GALNT14: variants seen among roughly 807,000 people sequenced by gnomAD.
GALNT14 encodes UDP-GalNAc:polypeptide N-acetylgalactosaminyltransferase 14.
In GALNT14, 60 loss-of-function variants were observed where a neutral mutation model predicts 77.5. The ratio of observed to expected loss-of-function variants is 0.77; its 90% CI spans 0.63 to 0.96. The LOEUF is 0.96. Among genes scored for constraint, GALNT14 ranks in the 40% least tolerant of loss-of-function variants. The probability of loss-of-function intolerance (pLI) is 0.00; values close to 1 mark genes in which losing one functional copy is unlikely to be tolerated. For synonymous variants in GALNT14, 280 were observed against 281.7 expected, an observed-to-expected ratio of 0.99 and a Z score of 0.06; for missense variants, 710 against 731.0, an observed-to-expected ratio of 0.97 and a Z score of 0.33.
chr2:30,887,266 ACT>A, the GALNT14 span, among the ~76,000 whole-genome samples: 2 of 151,990 alleles, frequency 1.3e-5, no homozygotes, highest in African/African-American at 2.4e-5. Flanking sequence ...TCAAATGGTA[ACT>A]CTATGTTTAA....
At chr2:30,921,078 C>T (rs1460439667) in intron 13 of GALNT14, among the ~76,000 whole-genome samples, 2 of 152,168 alleles carry the variant, frequency 1.3e-5, no homozygotes, top group Non-Finnish European at 1.5e-5. Context: ...CCCTTTTTCA[C>T]ATGACAGGAA....
intron 2 of GALNT14, among the ~76,000 whole-genome samples, chr2:30,977,781 G>T (rs921249321): frequency 6.6e-6 from 1 of 152,030 alleles, no homozygotes; most frequent in African/African-American, 2.4e-5. Context: ...AAAAGCAAAG[G>T]CTTCCCATAC....
At position 30,958,450 on chromosome 2, in the gene GALNT14, G is replaced by A. The variant is rs140948320; in HGVS notation, c.413C>T (p.Thr138Ile). ...GATTTCCCGGATCAGATGCGTAGGG[G>A]TGCGGTTTAATACACTGCAAGATGG... ...LRTIRSVLNR[T>I]PTHLIREIIL... Residue 138 changes from threonine (T) to isoleucine (I), a missense_variant, in exon 4 of 15, where the codon ACC becomes ATC. Coordinates refer to ENST00000349752, the MANE Select transcript of GALNT14 (RefSeq NM_024572.4). 6.2e-7 allele frequency: 1 copy of A among 1,614,068 alleles called. No homozygotes were observed. The highest frequency in any genetic ancestry group is 8.5e-7 in the Non-Finnish European group (1 of 1,179,952).
chr2:30,889,710 A>AAAT, the GALNT14 span, among the ~76,000 whole-genome samples: 1 of 152,218 alleles, frequency 6.6e-6, no homozygotes, highest in Non-Finnish European at 1.5e-5. Context: ...TGCACAGAAC[A>AAAT]AATAATCTCC....
chr2:31,113,723 C>T (rs955593565), intron 1 of GALNT14, among the ~76,000 whole-genome samples: 1 of 151,916 alleles, frequency 6.6e-6, no homozygotes, highest in Admixed American at 6.6e-5. Flanking sequence ...CCCTTTCTAG[C>T]CTCATGCATT....
chr2:30,905,569 C>A (rs565687426), downstream of GALNT14, among the ~76,000 whole-genome samples: 7 of 152,034 alleles, frequency 4.6e-5, no homozygotes, highest in East Asian at 1.2e-3. Context: ...TGTGAAAAGA[C>A]CAAATCTATG....
intron 11 of GALNT14, among the ~76,000 whole-genome samples, chr2:30,927,718 G>A (rs960672007): frequency 4.6e-5 from 7 of 152,168 alleles, no homozygotes; most frequent in South Asian, 2.1e-4. Flanking sequence ...TGCTGCCAGC[G>A]AAAGAGGGGG....
chr2:31,052,224 C>CTAAG (rs1558528007), intron 1 of GALNT14, among the ~76,000 whole-genome samples: 1 of 152,176 alleles, frequency 6.6e-6, no homozygotes, highest in Non-Finnish European at 1.5e-5. Context: ...GTCCAGAGAT[C>CTAAG]TAAGCTGCAG....
chr2:31,084,255 A>T (rs1406772451), intron 1 of GALNT14, among the ~76,000 whole-genome samples: 1 of 152,214 alleles, frequency 6.6e-6, no homozygotes, highest in Non-Finnish European at 1.5e-5. Flanking sequence ...AGGCTAAGAG[A>T]GGTAAGCCTG....
intron 1 of GALNT14, among the ~76,000 whole-genome samples, chr2:31,122,650 C>A (rs1448666516): frequency 6.6e-6 from 1 of 152,318 alleles, no homozygotes; most frequent in East Asian, 1.9e-4. Flanking sequence ...ATGAGCCACA[C>A]TGAGAAACAA....
intron 1 of GALNT14, among the ~76,000 whole-genome samples, chr2:31,018,977 A>C (rs945066417): frequency 1.3e-5 from 2 of 152,080 alleles, no homozygotes. Flanking sequence ...TGACAGCGTG[A>C]AGGGGGCCGG....
At chr2:30,958,514 A>G (rs1217987483) in intron 3 of GALNT14, 50 bp from the exon 4 acceptor site, 2 of 1,446,714 alleles carry the variant, frequency 1.4e-6, no homozygotes, top group South Asian at 2.3e-5. Flanking sequence ...GTGGCAAAAT[A>G]TATGTACTAA....
At chr2:30,913,493 C>T (rs1396476683) in intron 13 of GALNT14, among the ~76,000 whole-genome samples, 3 of 152,162 alleles carry the variant, frequency 2.0e-5, no homozygotes, top group Non-Finnish European at 4.4e-5. Flanking sequence ...CTCCATCTTC[C>T]CTCCTGGTCC....
At chr2:31,007,317 G>A (rs1421660541) in intron 1 of GALNT14, among the ~76,000 whole-genome samples, 2 of 152,080 alleles carry the variant, frequency 1.3e-5, no homozygotes, top group Non-Finnish European at 2.9e-5. Flanking sequence ...CAGGAACCTC[G>A]CCCAGGGAAT....
chr2:31,129,723 G>T (rs1482062211), intron 1 of GALNT14: 2 of 861,296 alleles, frequency 2.3e-6, no homozygotes, highest in East Asian at 2.4e-4. Context: ...GCTGGGAGGT[G>T]GGGGGTGGGA....
intron 1 of GALNT14, among the ~76,000 whole-genome samples, chr2:31,115,686 T>C (rs1678069551): frequency 1.3e-5 from 2 of 152,040 alleles, no homozygotes; most frequent in South Asian, 4.1e-4. Context: ...GTAGGGTGAA[T>C]AAAAGTCTTC....
At chr2:31,058,643 G>A (rs1335876717) in intron 1 of GALNT14, among the ~76,000 whole-genome samples, 1 of 152,102 alleles carries the variant, frequency 6.6e-6, no homozygotes, top group Non-Finnish European at 1.5e-5. Flanking sequence ...GCACTAGATG[G>A]TACTGCTAGA....
intron 2 of GALNT14, 145 bp downstream of exon 2, chr2:30,992,693 A>C: frequency 1.0e-6 from 1 of 970,720 alleles, no homozygotes; most frequent in Non-Finnish European, 1.6e-6. Context: ...CAATCACCAA[A>C]TCCGAATCCC....
At chr2:30,983,566 G>A (rs1042630503) in intron 2 of GALNT14, among the ~76,000 whole-genome samples, 18 of 152,146 alleles carry the variant, frequency 1.2e-4, no homozygotes, top group South Asian at 2.1e-4. Context: ...GGTACCTTTC[G>A]AAGCCACACA....
Sources: gnomAD v4.1 joint callset for allele counts (sites outside exome capture counted in the v4.1 genomes callset) on GRCh38, gnomAD v4.1.1 for gene constraint, MANE v1.5 for transcripts, NCBI Gene and HGNC (gene_info 2026-07-23, HGNC 2026-07-21) for gene names.